The following CPA6 variants were observed in gnomAD, a reference collection of about 807,000 sequenced individuals.
CPA6 encodes the protein carboxypeptidase A6, also known as carboxypeptidase B.
CPA6 carries 58 observed loss-of-function variants against 63.3 expected under a neutral mutation model. The observed-to-expected ratio is 0.92, with a 90% CI of 0.74 to 1.14. CPA6 has a LOEUF of 1.14. Ranked by LOEUF, CPA6 falls within the 50% of genes most tolerant of loss-of-function variation. The pLI is 0.00. For synonymous variants in CPA6, 185 were observed against 179.0 expected, an observed-to-expected ratio of 1.03 and a Z score of -0.27; for missense variants, 565 against 526.6, an observed-to-expected ratio of 1.07 and a Z score of -0.71.
chr8:67,439,389 C>T (rs1351245575), intron 8 of CPA6, among the ~76,000 whole-genome samples: 1 of 151,852 alleles, frequency 6.6e-6, no homozygotes, highest in Non-Finnish European at 1.5e-5. Flanking sequence ...GAGTTTGAGA[C>T]CTGCCTGGCC....
At chr8:67,461,636 G>A (rs1810809651) in intron 8 of CPA6, among the ~76,000 whole-genome samples, 1 of 152,192 alleles carries the variant, frequency 6.6e-6, no homozygotes, top group East Asian at 1.9e-4. Context: ...CAGTAGGGGC[G>A]GCCGGGCAGA....
chr8:67,585,567 A>T (rs970912102), intron 2 of CPA6, among the ~76,000 whole-genome samples: 1 of 152,126 alleles, frequency 6.6e-6, no homozygotes. Flanking sequence ...TTAGATCCAC[A>T]ATCTAATGTT....
chr8:67,732,095 A>C (rs1817716325), intron 1 of CPA6, among the ~76,000 whole-genome samples: 1 of 152,178 alleles, frequency 6.6e-6, no homozygotes, highest in African/African-American at 2.4e-5. Flanking sequence ...ATGCCGGTCC[A>C]GTCACTTTTA....
At chr8:67,424,372 G>GTCCCT (rs1563946837) in intron 10 of CPA6, among the ~76,000 whole-genome samples, 2 of 152,132 alleles carry the variant, frequency 1.3e-5, no homozygotes, top group African/African-American at 4.8e-5. Context: ...AAAGGTTGGG[G>GTCCCT]ACTGCTGCTG....
At chr8:67,738,000 A>G (rs1817846390) in intron 1 of CPA6, among the ~76,000 whole-genome samples, 1 of 152,036 alleles carries the variant, frequency 6.6e-6, no homozygotes, top group Admixed American at 6.5e-5. Flanking sequence ...ACATTCTATG[A>G]CTTTAAAAAA....
chr8:67,723,291 G>T (rs1587729543), intron 1 of CPA6, among the ~76,000 whole-genome samples: 1 of 152,070 alleles, frequency 6.6e-6, no homozygotes, highest in African/African-American at 2.4e-5. Flanking sequence ...TTATCAAAAG[G>T]GTGTGAGGAT....
rs200523999 is a variant in CPA6, at chr8:67,737,117, T to A, written c.116+8897A>T. ...CAACTAAATTCCCTGCTTAAAGTTG[T>A]TCATGAGCATGCTGTTGCCTTTGGG... is the stretch of plus-strand genomic sequence containing the variant. On this transcript the variant is annotated intron_variant, in intron 1 of 10. Coordinates refer to ENST00000297770, the MANE Select transcript of CPA6 (RefSeq NM_020361.5). Among the ~76,000 whole-genome samples, 26 of 152,304 alleles carry A rather than the reference T, an allele frequency of 1.7e-4. No individual in the cohort carries two copies. In the East Asian group the frequency reaches 4.8e-3, roughly 28 times the overall value.
intron 2 of CPA6, among the ~76,000 whole-genome samples, chr8:67,576,467 A>T (rs960409847): frequency 2.0e-5 from 3 of 152,220 alleles, no homozygotes; most frequent in Non-Finnish European, 2.9e-5. Context: ...CACTGCTTGT[A>T]GAAGTGCTAT....
At chr8:67,486,763 A>G (rs1267132803) in intron 6 of CPA6, among the ~76,000 whole-genome samples, 1 of 152,208 alleles carries the variant, frequency 6.6e-6, no homozygotes, top group Admixed American at 6.5e-5. Flanking sequence ...TTAGGCCTAG[A>G]GCAGAAGTTA....
intron 2 of CPA6, among the ~76,000 whole-genome samples, chr8:67,577,118 G>A (rs1024769727): frequency 1.3e-5 from 2 of 152,096 alleles, no homozygotes; most frequent in Non-Finnish European, 2.9e-5. Flanking sequence ...GCCTCCCAAA[G>A]TGCTAGGATT....
intron 1 of CPA6, among the ~76,000 whole-genome samples, chr8:67,676,342 A>T (rs1165094563): frequency 1.3e-5 from 2 of 152,240 alleles, no homozygotes; most frequent in African/African-American, 2.4e-5. Context: ...GCTTAAAAGA[A>T]ATCAGATCTC....
intron 2 of CPA6, among the ~76,000 whole-genome samples, chr8:67,566,779 A>C (rs1004838960): frequency 3.4e-4 from 52 of 152,238 alleles, no homozygotes; most frequent in African/African-American, 1.2e-3. Context: ...CTGGAGAAGC[A>C]CAGGGAATGT....
At chr8:67,617,497 C>A (rs990107395) in intron 2 of CPA6, among the ~76,000 whole-genome samples, 3 of 152,166 alleles carry the variant, frequency 2.0e-5, no homozygotes, top group African/African-American at 7.2e-5. Context: ...AGAAATGTAA[C>A]TTCCTACCCC....
At chr8:67,509,654 C>A in intron 4 of CPA6, 36 bp from the exon 5 acceptor site, 1 of 1,056,558 alleles carries the variant, frequency 9.5e-7, no homozygotes. Flanking sequence ...GTTAGACTCT[C>A]TCAAAATAAT....
intron 1 of CPA6, among the ~76,000 whole-genome samples, chr8:67,726,354 A>G (rs927079322): frequency 1.3e-5 from 2 of 152,178 alleles, no homozygotes; most frequent in African/African-American, 4.8e-5. Context: ...CTTTCAATCC[A>G]TGCTTCACAG....
intron 9 of CPA6, among the ~76,000 whole-genome samples, chr8:67,433,113 A>C (rs965222207): frequency 8.5e-5 from 13 of 152,356 alleles, no homozygotes; most frequent in African/African-American, 3.1e-4. Context: ...GCCCTAAAAT[A>C]TACACGTAGA....
chr8:67,555,806 T>C (rs1477940780), intron 2 of CPA6, among the ~76,000 whole-genome samples: 1 of 152,194 alleles, frequency 6.6e-6, no homozygotes, highest in African/African-American at 2.4e-5. Flanking sequence ...GTTAGAGAAT[T>C]ACAGAACTGG....
intron 8 of CPA6, among the ~76,000 whole-genome samples, chr8:67,475,827 C>CTTTCT (rs1563967610): frequency 3.7e-4 from 16 of 42,834 alleles, no homozygotes; most frequent in African/African-American, 1.3e-3. Context: ...CCTTTCTTTT[C>CTTTCT]TTTCTTTCTT....
chr8:67,706,774 A>G lies in CPA6; in HGVS notation c.116+39240T>C, dbSNP rs372989312. 2.8e-4 allele frequency among the ~76,000 whole-genome samples: 43 copies of G among 152,286 alleles called. No individual in the cohort carries two copies. In the East Asian group the frequency reaches 2.9e-3, roughly 10 times the overall value. On this transcript the variant is annotated intron_variant, in intron 1 of 10. Transcript: ENST00000297770. The stretch of plus-strand genomic sequence containing the variant: ...TGTAAAGGGTTATAAAAGGTTTATG[A>G]AAATCTTACCTTACAGTCAAACTGA...
Sources: gnomAD v4.1 joint callset for allele counts (sites outside exome capture counted in the v4.1 genomes callset) on GRCh38, gnomAD v4.1.1 for gene constraint, MANE v1.5 for transcripts, NCBI Gene and HGNC (gene_info 2026-07-23, HGNC 2026-07-21) for gene names.